JAG2: variants seen among roughly 807,000 people sequenced by gnomAD.
JAG2 encodes the protein protein jagged-2.
JAG2 carries 46 observed loss-of-function variants against 141.7 expected under a neutral mutation model. That is an observed-to-expected ratio of 0.32 (90% CI 0.26 to 0.42). The LOEUF is 0.42. Ranked by LOEUF, JAG2 falls within the 10% of genes least tolerant of loss-of-function variation. The pLI is 1.00. For missense variants in JAG2, 1,500 were observed against 1,817.5 expected, an observed-to-expected ratio of 0.83 and a Z score of 3.18; for synonymous variants, 862 against 763.5, an observed-to-expected ratio of 1.13 and a Z score of -2.13.
rs138120492 is a variant in JAG2 at position 105,152,180 on chromosome 14, G to A, written c.900C>T (p.Gly300=). The stretch of plus-strand genomic sequence containing the variant: ...CACTACCTTTGTCACAGAGCAGGCC[G>A]CCCCAGTTGGTCTCACAGTTGCACT... ...PWQCNCETNW[G]GLLCDKDLNY... Residue 300 remains glycine (G), a synonymous_variant, in exon 6 of 26, where the codon GGC becomes GGT. Transcript: ENST00000331782. 151 of 1,613,744 alleles carry A rather than the reference G, an allele frequency of 9.4e-5. 1 individual carries two copies. The African/African-American group carries it at 1.4e-3, about 15-fold the overall frequency.
At position 105,150,766 on chromosome 14, in the gene JAG2, G is replaced by A. The variant is rs754664055; in HGVS notation, c.1440C>T (p.Asn480=). ...CCCGTGGGCACACACACTGGTACCCGTTCACCAGGTCCTGGGCGGGCCAGC... is the reference window on the plus strand; with the variant it reads ...CCCGTGGGCACACACACTGGTACCCATTCACCAGGTCCTGGGCGGGCCAGC... ...QHGGTCKDLV[N]GYQCVCPRGF... is the part of the protein sequence containing the mutation. The change falls in exon 12 of 26, where the codon AAC becomes AAT. Residue 480 remains asparagine (N), a synonymous_variant. Transcript: ENST00000331782. The A allele has an allele frequency of 9.4e-6, 15 of 1,587,554 alleles. No homozygotes were observed. Among genetic ancestry groups the A allele is most frequent in the East Asian group, 2.3e-5 (1 of 43,650 alleles).
chr14:105,148,621 AC>A, intron 15 of JAG2, 123 bp downstream of exon 15: 1 of 977,356 alleles, frequency 1.0e-6, no homozygotes, highest in Non-Finnish European at 1.5e-6. Context: ...TGGTGGCAGC[AC>A]CCCCTGGCCA....
In JAG2 at chr14:105,150,655, G is replaced by C; in HGVS notation, c.1551C>G (p.Ala517=). Reference sequence around the variant, plus strand: ...GGGGGCAGTGGCAGTGGAAGCCGTCGGCCAGGTCCTCGCAGAGGCCGCCGC... The same window carrying C: ...GGGGGCAGTGGCAGTGGAAGCCGTCCGCCAGGTCCTCGCAGAGGCCGCCGC... ...CHSGGLCEDL[A]DGFHCHCPQG... is the part of the protein sequence containing the mutation. The change falls in exon 12 of 26, where the codon GCC becomes GCG. Residue 517 remains alanine (A), a synonymous_variant. Coordinates refer to ENST00000331782, the MANE Select transcript of JAG2 (RefSeq NM_002226.5). 1 of 1,549,884 alleles carries C rather than the reference G, an allele frequency of 6.5e-7. No homozygotes were observed. Among genetic ancestry groups the C allele is most frequent in the Non-Finnish European group, 8.7e-7 (1 of 1,146,732 alleles).
In JAG2 at chr14:105,155,743, T is replaced by A; in HGVS notation, c.722A>T (p.Lys241Met). Residue 241 changes from lysine (K) to methionine (M), a missense_variant, in exon 4 of 26, where the codon AAG becomes ATG. Around this residue, in one of 3 missense-constraint regions of JAG2, gnomAD observed 875 missense variants for 1,202.2 expected, o/e 0.73. Transcript: ENST00000331782. ...CAGCCCAGCGGCCCCCTCACCTTCC[T>A]TGCACTCCTTGCCCATCCAGCCGTC... ...CMDGWMGKEC[K>M]EAVCKQGCNL... 6.2e-7 allele frequency: 1 copy of A among 1,612,696 alleles called. No individual in the cohort carries two copies. The highest frequency in any genetic ancestry group is 8.5e-7 in the Non-Finnish European group (1 of 1,179,764).
In JAG2 at chr14:105,148,919, C is replaced by T. The variant is rs1463028055; in HGVS notation, c.1906+18G>A. On this transcript the variant is annotated intron_variant, in intron 14 of 25. Transcript: ENST00000331782. ...CCAGCCCAGCCCCACCACCAGCCCG[C>T]CGTTCGTGGCCACTCACTCTCATGG... 1.3e-6 allele frequency: 2 copies of T among 1,599,816 alleles called. No homozygotes were observed. Among genetic ancestry groups the T allele is most frequent in the African/African-American group, 1.3e-5 (1 of 74,614 alleles).
Position 105,142,872 on chromosome 14 carries a change from G to C in JAG2, c.3540C>G (p.Asp1180Glu). ...CCTCCTCACCGCGGCCCAGATCCTC[G>C]TCCTCCTCATCCTCCCTGACGGCCG... ...GHAAVREDEE[D>E]EDLGRGEEDS... is the part of the protein sequence containing the mutation. Residue 1180 changes from aspartate to glutamate, a missense_variant, in exon 26 of 26, where the codon GAC (aspartate) becomes GAG (glutamate). By Grantham distance (45) the Asp-to-Glu change is conservative. Transcript: ENST00000331782. 3 of 1,606,516 alleles carry C rather than the reference G, an allele frequency of 1.9e-6. No individual in the cohort carries two copies. Among genetic ancestry groups the C allele is most frequent in the South Asian group, 1.1e-5 (1 of 90,090 alleles).
chr14:105,166,507 G>C (rs769387434), intron 2 of JAG2, among the ~76,000 whole-genome samples: 22 of 152,226 alleles, frequency 1.4e-4, no homozygotes, highest in Non-Finnish European at 2.9e-4. Context: ...CCTCTCTGGG[G>C]CCCCCCTGGT....
intron 2 of JAG2, among the ~76,000 whole-genome samples, chr14:105,164,967 G>A (rs775119449): frequency 2.6e-5 from 4 of 152,136 alleles, no homozygotes; most frequent in East Asian, 1.9e-4. Flanking sequence ...CACCCATCCC[G>A]TTCTCCTCAT....
At chr14:105,145,329 C>T (rs897144000) in intron 23 of JAG2, among the ~76,000 whole-genome samples, 16 of 152,160 alleles carry the variant, frequency 1.1e-4, no homozygotes, top group Non-Finnish European at 1.8e-4. Flanking sequence ...GGGCGGGGTA[C>T]AGTGGGTCTC....
At position 105,155,542 on chromosome 14, in the gene JAG2, C is replaced by T. The variant is rs745817542; in HGVS notation, c.788+20G>A. The T allele has an allele frequency of 6.2e-6, 10 of 1,612,612 alleles. No individual in the cohort carries two copies. The highest frequency in any genetic ancestry group is 1.3e-5 in the African/African-American group (1 of 75,064). On this transcript the variant is annotated intron_variant, in intron 5 of 25. Coordinates refer to ENST00000331782, the MANE Select transcript of JAG2 (RefSeq NM_002226.5). ...AGGGCAAAGGTTGGGAGGGCAAAGA[C>T]GGGCCGGCGGCACACTCACCTGCAC...
Position 105,143,028 on chromosome 14 carries a change from C to T in JAG2, c.3384G>A (p.Trp1128Ter). The change falls in exon 26 of 26, where the codon TGG becomes TGA. Residue 1128 changes from tryptophan to a stop codon, truncating the protein, a stop_gained. Coordinates refer to ENST00000331782, the MANE Select transcript of JAG2 (RefSeq NM_002226.5). LOFTEE classifies it low-confidence loss of function (END_TRUNC). ...GGTTGCGGATGGGGTTGAGCGGGGCCCACTGGTTGTTGGCGCTCTCCTCCC... is the reference window on the plus strand; with the variant it reads ...GGTTGCGGATGGGGTTGAGCGGGGCTCACTGGTTGTTGGCGCTCTCCTCCC... ...LPREESANNQWAPLNPIRNPI... is the reference protein window; with the variant it reads ...LPREESANNQ 1 of 1,605,804 alleles carries T rather than the reference C, an allele frequency of 6.2e-7. No homozygotes were observed.
Position 105,148,315 on chromosome 14 carries a change from C to T in JAG2, c.2134+11G>A, listed in dbSNP as rs369291642. On this transcript the variant is annotated intron_variant, in intron 16 of 25. Transcript: ENST00000331782. The stretch of plus-strand genomic sequence containing the variant: ...GGCAGCCCCAGGCGGCCAGGGCCTG[C>T]GGACACTCACGTGAGTGGCAGGTCT... The T allele has an allele frequency of 1.8e-3, 2,848 of 1,605,766 alleles. 3 individuals carry two copies. Among genetic ancestry groups the T allele is most frequent in the Non-Finnish European group, 2.2e-3 (2,622 of 1,175,458 alleles).
In JAG2 at chr14:105,154,514, CCCACACTCTGGTCTGGGTCCA is replaced by C. The variant is rs1166213273; in HGVS notation, c.788+1027_788+1047del. Among the ~76,000 whole-genome samples, 1 of 152,198 alleles carries C rather than the reference CCCACACTCTGGTCTGGGTCCA, an allele frequency of 6.6e-6. No homozygotes were observed. Among genetic ancestry groups the C allele is most frequent in the Admixed American group, 6.5e-5 (1 of 15,290 alleles). ...GCTGCCAGCCCCCCTGGCTGGATCC[CCCACACTCTGGTCTGGGTCCA>C]GAGGCCTCCACCATCTGGACTTGGC... On this transcript the variant is annotated intron_variant, in intron 5 of 25. Transcript: ENST00000331782. The surrounding 1 kb of genome is among the most constrained non-coding windows in gnomAD (Gnocchi z 4.4).
In JAG2 at chr14:105,168,713, TCCCGGCCTCGGCTCTGCGCG is replaced by T. The variant is rs1181117899; in HGVS notation, c.-313_-294del. 2 of 160,114 alleles carry T rather than the reference TCCCGGCCTCGGCTCTGCGCG, an allele frequency of 1.2e-5. No individual in the cohort carries two copies. Among genetic ancestry groups the T allele is most frequent in the Non-Finnish European group, 2.6e-5 (2 of 75,608 alleles). 9.9% of individuals were successfully genotyped at this position (160,114 alleles called of 1,614,324 possible). ...CGGCGGCGGCGGTGAAGGCAGCGGG[TCCCGGCCTCGGCTCTGCGCG>T]CCCGCGCTCCCGGCACCGCAGCCAA... On this transcript the variant is annotated 5_prime_UTR_variant, in exon 1 of 26. Transcript: ENST00000331782.
chr14:105,161,912 C>CAGGCCTCAGT, intron 2 of JAG2, among the ~76,000 whole-genome samples: 1 of 152,232 alleles, frequency 6.6e-6, no homozygotes, highest in South Asian at 2.1e-4. Context: ...CCTGTCCTTC[C>CAGGCCTCAGT]TGCCTGGCGG....
At chr14:105,148,004 G>C in intron 17 of JAG2, 112 bp downstream of exon 17, 1 of 1,077,100 alleles carries the variant, frequency 9.3e-7, no homozygotes, top group Non-Finnish European at 1.4e-6. Flanking sequence ...GGGGCAGGGG[G>C]CAGGTGGCAG....
intron 2 of JAG2, among the ~76,000 whole-genome samples, chr14:105,165,557 C>T (rs1888883822): frequency 6.6e-6 from 1 of 152,212 alleles, no homozygotes; most frequent in African/African-American, 2.4e-5. Flanking sequence ...AGCCCGAGAC[C>T]AGCACAGATC....
chr14:105,167,977 T>A lies in JAG2; in HGVS notation c.197A>T (p.Glu66Val). ...TTRAGGCGHD[E>V]CDTYVRVCLK... ...GCACACGCGCACGTACGTGTCGCAC[T>A]CGTCGTGGCCGCAGCCCCCCGCGCG... The change falls in exon 2 of 26, where the codon GAG (glutamate) becomes GTG (valine). Residue 66 changes from glutamate (E) to valine (V), a missense_variant. Glu to Val is a moderately radical substitution (Grantham distance 121, BLOSUM62 -2). Around this residue, in one of 3 missense-constraint regions of JAG2, gnomAD observed 200 missense variants for 174.3 expected, o/e 1.15. Coordinates refer to ENST00000331782, the MANE Select transcript of JAG2 (RefSeq NM_002226.5). The surrounding 1 kb of genome is among the most constrained non-coding windows in gnomAD (Gnocchi z 4.8). The A allele has an allele frequency of 6.2e-7, 1 of 1,603,588 alleles. No homozygotes were observed. The highest frequency in any genetic ancestry group is 1.1e-5 in the South Asian group (1 of 90,672).
intron 2 of JAG2, among the ~76,000 whole-genome samples, chr14:105,162,382 C>T (rs986915546): frequency 7.2e-6 from 1 of 138,288 alleles, no homozygotes; most frequent in African/African-American, 2.8e-5. Flanking sequence ...CTAAACCCCT[C>T]CTCCTGTCCC....
Sources: allele counts gnomAD v4.1 joint callset (sites outside exome capture counted in the v4.1 genomes callset), GRCh38; gene constraint gnomAD v4.1.1; regional missense constraint gnomAD v4.1.1; non-coding constraint Gnocchi (gnomAD v3.1); transcripts MANE v1.5; gene names NCBI Gene and HGNC (gene_info 2026-07-23, HGNC 2026-07-21).